Variants in SUSD4 observed in about 807,000 individuals in gnomAD.
SUSD4 encodes the protein sushi domain-containing protein 4.
SUSD4 carries 41 observed loss-of-function variants against 50.5 expected under a neutral mutation model. That is an observed-to-expected ratio of 0.81 (90% CI 0.63 to 1.05). The LOEUF (loss-of-function observed/expected upper bound fraction) is 1.05. Among genes scored for constraint, SUSD4 ranks in the 50% least tolerant of loss-of-function variants. SUSD4 has a pLI of 0.00. For missense variants in SUSD4, 580 were observed against 634.7 expected, an observed-to-expected ratio of 0.91 and a Z score of 0.93; for synonymous variants, 257 against 257.3, an observed-to-expected ratio of 1.00 and a Z score of 0.01.
chr1:223,363,442 G>C lies in SUSD4; in HGVS notation c.-17C>G. The C allele has an allele frequency of 6.5e-7, 1 of 1,528,160 alleles. No individual in the cohort carries two copies. The allele number at this position is 1,528,160 out of a possible 1,614,324, so 94.7% of individuals were successfully genotyped here. A position where few individuals can be genotyped will look rare whatever the true frequency, so the allele number is the denominator to read the frequency against. Reference sequence around the variant, plus strand: ...ATGATACATCTTTCATCCACAGAGGGCATCCAGCTTGCAAGAGTCTGCAAC... The same window carrying C: ...ATGATACATCTTTCATCCACAGAGGCCATCCAGCTTGCAAGAGTCTGCAAC... On this transcript the variant is annotated 5_prime_UTR_variant, in exon 2 of 9. Transcript: ENST00000366878.
intron 2 of SUSD4, among the ~76,000 whole-genome samples, chr1:223,329,191 G>A (rs1667039220): frequency 6.6e-6 from 1 of 152,050 alleles, no homozygotes; most frequent in Non-Finnish European, 1.5e-5. Context: ...GAGAATGGGG[G>A]GCTTTGAAGT....
chr1:223,268,385 G>A, intron 4 of SUSD4, 117 bp downstream of exon 4: 1 of 1,354,644 alleles, frequency 7.4e-7, no homozygotes, highest in South Asian at 1.5e-5. Flanking sequence ...TGGGGTAGAT[G>A]GCTTTGTTCA....
intron 5 of SUSD4, among the ~76,000 whole-genome samples, chr1:223,237,058 T>C (rs1259210818): frequency 6.6e-6 from 1 of 152,082 alleles, no homozygotes; most frequent in East Asian, 1.9e-4. Flanking sequence ...ATATAGATCT[T>C]GTACATATTT....
intron 5 of SUSD4, among the ~76,000 whole-genome samples, chr1:223,244,025 G>A (rs1660758495): frequency 6.6e-6 from 1 of 152,204 alleles, no homozygotes; most frequent in African/African-American, 2.4e-5. Context: ...CCCATCCTCA[G>A]ATGATAAATA....
intron 1 of SUSD4, 163 bp from the exon 2 acceptor site, chr1:223,363,623 C>A: frequency 2.5e-6 from 2 of 807,268 alleles, no homozygotes; most frequent in South Asian, 4.6e-5. Context: ...GGTCCCCCGC[C>A]TTCCCCCGAG....
intron 2 of SUSD4, among the ~76,000 whole-genome samples, chr1:223,314,041 A>C (rs1410969079): frequency 6.6e-6 from 1 of 152,164 alleles, no homozygotes; most frequent in Non-Finnish European, 1.5e-5. Context: ...TGCCCTGCCT[A>C]TGGAGTAGCC....
intron 2 of SUSD4, among the ~76,000 whole-genome samples, chr1:223,335,371 T>C (rs1406939961): frequency 5.3e-5 from 8 of 152,196 alleles, no homozygotes; most frequent in African/African-American, 1.4e-4. Context: ...GAAATGATTT[T>C]TAACCTAAAA....
intron 2 of SUSD4, among the ~76,000 whole-genome samples, chr1:223,319,905 C>G (rs1455929738): frequency 2.6e-5 from 4 of 152,206 alleles, no homozygotes; most frequent in African/African-American, 9.6e-5. Context: ...CGAAGCCAAT[C>G]AGATCTGGGT....
At chr1:223,361,598 T>C (rs1388414409) in intron 2 of SUSD4, among the ~76,000 whole-genome samples, 5 of 152,198 alleles carry the variant, frequency 3.3e-5, no homozygotes, top group Non-Finnish European at 7.3e-5. Context: ...GAGGATGCTC[T>C]GTAAACACGA....
intron 5 of SUSD4, among the ~76,000 whole-genome samples, chr1:223,244,963 T>C (rs851211): frequency 0.037 from 5,628 of 152,028 alleles, 297 homozygotes; most frequent in East Asian, 0.11. Context: ...TCCAGGAAAG[T>C]CCCCTAAATA....
chr1:223,223,200 G>A (rs911307711), intron 8 of SUSD4, 49 bp downstream of exon 8: 2 of 1,502,836 alleles, frequency 1.3e-6, no homozygotes, highest in African/African-American at 1.4e-5. Context: ...GAAGATGCTG[G>A]TGCGGAGGTG....
At chr1:223,359,523 T>C (rs919246006) in intron 2 of SUSD4, among the ~76,000 whole-genome samples, 1 of 152,198 alleles carries the variant, frequency 6.6e-6, no homozygotes, top group Non-Finnish European at 1.5e-5. Flanking sequence ...ATCATGAAAC[T>C]TTTGCACTTT....
intron 2 of SUSD4, among the ~76,000 whole-genome samples, chr1:223,312,088 T>C (rs1665910830): frequency 6.6e-6 from 1 of 152,196 alleles, no homozygotes; most frequent in Non-Finnish European, 1.5e-5. Context: ...ATGGTTCGGT[T>C]CATGAATGGT....
At chr1:223,360,819 C>G (rs900997227) in intron 2 of SUSD4, among the ~76,000 whole-genome samples, 2 of 152,038 alleles carry the variant, frequency 1.3e-5, no homozygotes, top group Non-Finnish European at 2.9e-5. Flanking sequence ...GAAAAAAAAG[C>G]ACTCTCCGAG....
At chr1:223,347,152 T>C (rs1275364042) in intron 2 of SUSD4, among the ~76,000 whole-genome samples, 3 of 152,196 alleles carry the variant, frequency 2.0e-5, no homozygotes, top group Non-Finnish European at 4.4e-5. Flanking sequence ...ATAAGCAATA[T>C]GGAAAATTGG....
At chr1:223,225,802 G>A (rs905725852) in intron 7 of SUSD4, among the ~76,000 whole-genome samples, 32 of 151,880 alleles carry the variant, frequency 2.1e-4, no homozygotes, top group African/African-American at 7.5e-4. Context: ...TCCCCTCCAC[G>A]TGTCCCCGCC....
chr1:223,317,222 T>G (rs1023251523), intron 2 of SUSD4, among the ~76,000 whole-genome samples: 5 of 151,900 alleles, frequency 3.3e-5, no homozygotes, highest in Admixed American at 2.0e-4. Flanking sequence ...ACGACAAGAG[T>G]GGTCTCTGGT....
At chr1:223,304,591 A>C (rs1665402041) in intron 2 of SUSD4, among the ~76,000 whole-genome samples, 1 of 151,708 alleles carries the variant, frequency 6.6e-6, no homozygotes, top group African/African-American at 2.4e-5. Context: ...AGTGGGTCAC[A>C]GTCAAAAAGG....
intron 5 of SUSD4, among the ~76,000 whole-genome samples, chr1:223,237,127 T>G (rs1036984580): frequency 2.6e-5 from 4 of 152,082 alleles, no homozygotes; most frequent in Non-Finnish European, 5.9e-5. Context: ...TCGTATTGTG[T>G]TTTTAACTTC....
Sources: allele counts gnomAD v4.1 joint callset (sites outside exome capture counted in the v4.1 genomes callset), GRCh38; gene constraint gnomAD v4.1.1; transcripts MANE v1.5; gene names NCBI Gene and HGNC (gene_info 2026-07-23, HGNC 2026-07-21).